Variants in SYNE1 observed in about 807,000 individuals in gnomAD.
The protein encoded by SYNE1 is spectrin repeat containing nuclear envelope protein 1, also known as nesprin-1.
Under a neutral mutation model 1,111.0 loss-of-function variants are expected in SYNE1, and 616 were observed. The ratio of observed to expected loss-of-function variants is 0.55; its 90% CI spans 0.52 to 0.59. The LOEUF is 0.59. Among genes scored for constraint, SYNE1 ranks in the 20% least tolerant of loss-of-function variants. The pLI, the probability that SYNE1 is intolerant of heterozygous loss-of-function variation, is 0.00. For missense variants in SYNE1, 10,006 were observed against 10,417.0 expected, an observed-to-expected ratio of 0.96 and a Z score of 1.72; for synonymous variants, 3,855 against 3,825.8, an observed-to-expected ratio of 1.01 and a Z score of -0.28.
chr6:152,539,964 G>T lies in SYNE1; in HGVS notation c.125C>A (p.Ala42Asp). The change falls in exon 4 of 146, where the codon GCC (alanine) becomes GAC (aspartate). Residue 42 changes from alanine to aspartate, a missense_variant. Physicochemically the swap from Ala to Asp is moderately radical, Grantham distance 126 (BLOSUM62 -2). Coordinates refer to ENST00000367255, the MANE Select transcript of SYNE1 (RefSeq NM_182961.4). Reference protein sequence around the residue: ...TFTKWINSHLAKRKPPMVVDD... With the variant: ...TFTKWINSHLDKRKPPMVVDD... ...ATGCTGGGTAGTTTCCTTTACCTTGGCCAGATGAGAGTTGATCCATTTTGT... is the reference window on the plus strand; with the variant it reads ...ATGCTGGGTAGTTTCCTTTACCTTGTCCAGATGAGAGTTGATCCATTTTGT... The T allele has an allele frequency of 1.9e-6, 3 of 1,613,828 alleles. No individual in the cohort carries two copies. The highest frequency in any genetic ancestry group is 2.5e-6 in the Non-Finnish European group (3 of 1,179,868).
intron 107 of SYNE1, among the ~76,000 whole-genome samples, chr6:152,240,302 A>G (rs1235517499): frequency 6.6e-6 from 1 of 151,878 alleles, no homozygotes; most frequent in Non-Finnish European, 1.5e-5. Context: ...CAAAACAAAC[A>G]AACAAACAAA....
At position 152,245,128 on chromosome 6, in the gene SYNE1, C is replaced by G. The variant is rs527627491; in HGVS notation, c.19573-472G>C. Among the ~76,000 whole-genome samples the G allele has an allele frequency of 3.3e-5, 5 of 152,246 alleles. 1 individual carries two copies. Among genetic ancestry groups the G allele is most frequent in the African/African-American group, 1.2e-4 (5 of 41,558 alleles). On this transcript the variant is annotated intron_variant, in intron 105 of 145. Coordinates refer to ENST00000367255, the MANE Select transcript of SYNE1 (RefSeq NM_182961.4). ...ACAGCATGGTCAAAGAATCTGTGCT[C>G]CTTGTTGTGAAGTGGAAAATCAATC...
At chr6:152,347,669 G>GT (rs2096661413) in intron 72 of SYNE1, among the ~76,000 whole-genome samples, 1 of 141,844 alleles carries the variant, frequency 7.1e-6, no homozygotes, top group Admixed American at 7.4e-5. Flanking sequence ...AAGTAGTTGT[G>GT]TTTTTTGTCA....
intron 28 of SYNE1, among the ~76,000 whole-genome samples, chr6:152,448,302 C>G (rs1401414685): frequency 6.6e-6 from 1 of 152,170 alleles, no homozygotes; most frequent in East Asian, 1.9e-4. Flanking sequence ...AGCCTGTCCT[C>G]CCTACAGCAG....
chr6:152,379,426 A>G (rs546978847), intron 56 of SYNE1, among the ~76,000 whole-genome samples: 116 of 152,262 alleles, frequency 7.6e-4, no homozygotes, highest in Non-Finnish European at 2.9e-4. Flanking sequence ...TGTTTTAAAG[A>G]ATTTCTTGAG....
intron 3 of SYNE1, among the ~76,000 whole-genome samples, chr6:152,599,717 G>C (rs1744397): frequency 0.41 from 62,953 of 152,026 alleles, 13,936 homozygotes; most frequent in East Asian, 0.62. Flanking sequence ...AGATTCATTT[G>C]AGTCAAGTGT....
chr6:152,365,468 G>A (rs1377623255), intron 62 of SYNE1, among the ~76,000 whole-genome samples: 1 of 151,894 alleles, frequency 6.6e-6, no homozygotes, highest in Non-Finnish European at 1.5e-5. Context: ...TTCTTCTTTT[G>A]CTTTTTTTAG....
rs539377094 is a variant in SYNE1 at position 152,443,303 on chromosome 6, C to T, written c.3838-1058G>A. Among the ~76,000 whole-genome samples the T allele has an allele frequency of 2.6e-5, 4 of 152,252 alleles. No individual in the cohort carries two copies. The South Asian group carries it at 6.2e-4, about 24-fold the overall frequency. The stretch of plus-strand genomic sequence containing the variant: ...TTTTTTAGACAGAGTCTTGCTCTGT[C>T]GCCCAGGCTGGAGTGCAGTGGGGCA... On this transcript the variant is annotated intron_variant, in intron 30 of 145. Coordinates refer to ENST00000367255, the MANE Select transcript of SYNE1 (RefSeq NM_182961.4).
At chr6:152,244,471 T>G in intron 106 of SYNE1, 66 bp downstream of exon 106, 1 of 1,611,846 alleles carries the variant, frequency 6.2e-7, no homozygotes, top group Non-Finnish European at 8.5e-7. Context: ...AAAAATAAAG[T>G]GATTTTTTCT....
chr6:152,192,290 T>G lies in SYNE1; in HGVS notation c.23146-2883A>C, dbSNP rs950334800. ...GGTCTGCAGTGCAGATTAACTCCAGTGTTTTTTTGTTTATTTTCTGTCTGG... is the reference window on the plus strand; with the variant it reads ...GGTCTGCAGTGCAGATTAACTCCAGGGTTTTTTTGTTTATTTTCTGTCTGG... On this transcript the variant is annotated intron_variant, in intron 127 of 145. Transcript: ENST00000367255. Among the ~76,000 whole-genome samples, 7 of 113,214 alleles carry G rather than the reference T, an allele frequency of 6.2e-5. No homozygotes were observed. The East Asian group carries it at 1.9e-3, about 30-fold the overall frequency. 74.3% of individuals were successfully genotyped at this position (113,214 alleles called of 152,430 possible). A position where few individuals can be genotyped will look rare whatever the true frequency, so the allele number is the denominator to read the frequency against.
chr6:152,247,056 G>A (rs1173683725), intron 105 of SYNE1, among the ~76,000 whole-genome samples: 2 of 152,208 alleles, frequency 1.3e-5, no homozygotes, highest in African/African-American at 4.8e-5. Context: ...TAAAGAGAAA[G>A]ACTTGGGATT....
chr6:152,250,433 T>A (rs1015747132), intron 104 of SYNE1, among the ~76,000 whole-genome samples: 2 of 151,960 alleles, frequency 1.3e-5, no homozygotes, highest in African/African-American at 4.8e-5. Context: ...GTCTAATGAG[T>A]GGAAGGATAA....
At chr6:152,454,185 A>T (rs2098676269) in intron 24 of SYNE1, among the ~76,000 whole-genome samples, 1 of 112,730 alleles carries the variant, frequency 8.9e-6, no homozygotes, top group African/African-American at 4.6e-5. Context: ...TGCACACAGA[A>T]GCACACATGT....
At chr6:152,186,723 C>T (rs1227542093) in intron 128 of SYNE1, among the ~76,000 whole-genome samples, 2 of 152,012 alleles carry the variant, frequency 1.3e-5, no homozygotes, top group African/African-American at 4.8e-5. Flanking sequence ...AATATTATCT[C>T]TCTGAAGGCT....
Position 152,385,684 on chromosome 6 carries a change from G to A in SYNE1, c.8642C>T (p.Ser2881Leu), listed in dbSNP as rs1395630191. The A allele has an allele frequency of 6.2e-7, 1 of 1,613,920 alleles. No homozygotes were observed. Among genetic ancestry groups the A allele is most frequent in the Admixed American group, 1.7e-5 (1 of 59,996 alleles). Reference protein sequence around the residue: ...GDSSATQKKLSKIKELIDSRE... With the variant: ...GDSSATQKKLLKIKELIDSRE... ...TGTTCATTTCCTGACCTTAATTTTT[G>A]ATAACTTTTTCTGGGTGGCTGATGA... is the stretch of plus-strand genomic sequence containing the variant. Residue 2881 changes from serine to leucine, a missense_variant, in exon 55 of 146, where the codon TCA (serine) becomes TTA (leucine). Physicochemically the swap from Ser to Leu is moderately radical, Grantham distance 145. Around this residue, in one of 7 missense-constraint regions of SYNE1, gnomAD observed 4,955 missense variants for 5,017.2 expected, o/e 0.99. Transcript: ENST00000367255.
chr6:152,412,992 C>T (rs2098090660), intron 42 of SYNE1, among the ~76,000 whole-genome samples: 3 of 151,952 alleles, frequency 2.0e-5, no homozygotes, highest in Non-Finnish European at 4.4e-5. Flanking sequence ...GCTGGCATTA[C>T]AGGCACCCTC....
At chr6:152,291,557 G>A (rs1358132639) in intron 95 of SYNE1, among the ~76,000 whole-genome samples, 1 of 152,192 alleles carries the variant, frequency 6.6e-6, no homozygotes, top group Non-Finnish European at 1.5e-5. Context: ...TTCAGTTTAT[G>A]TGTGTTTCCA....
At chr6:152,253,765 T>C (rs1458655215) in intron 104 of SYNE1, among the ~76,000 whole-genome samples, 1 of 148,274 alleles carries the variant, frequency 6.7e-6, no homozygotes, top group Non-Finnish European at 1.5e-5. Flanking sequence ...AATTTGTGCC[T>C]CGTGAAAATT....
Position 152,284,044 on chromosome 6 carries a change from G to C in SYNE1, c.18141C>G (p.Leu6047=), listed in dbSNP as rs763091389. 1.2e-6 allele frequency: 2 copies of C among 1,614,104 alleles called. No homozygotes were observed. The highest frequency in any genetic ancestry group is 2.7e-5 in the African/African-American group (2 of 74,924). Residue 6047 remains leucine, a synonymous_variant, in exon 96 of 146, where the codon CTC becomes CTG. Transcript: ENST00000367255. ...TGGACATTCGCTCGGCTAAGACAGT[G>C]AGCGTGGACTGCAAGGCCAGCTGCT... ...PAEQLALQST[L]TVLAERMSTI...
Sources: allele counts gnomAD v4.1 joint callset (sites outside exome capture counted in the v4.1 genomes callset), GRCh38; gene constraint gnomAD v4.1.1; regional missense constraint gnomAD v4.1.1; transcripts MANE v1.5; gene names NCBI Gene and HGNC (gene_info 2026-07-23, HGNC 2026-07-21).